MYO16: variants seen among roughly 807,000 people sequenced by gnomAD.
MYO16 encodes myosin XVI.
Under a neutral mutation model 205.3 loss-of-function variants are expected in MYO16, and 94 were observed. The ratio of observed to expected loss-of-function variants is 0.46; its 90% CI spans 0.39 to 0.54. The LOEUF is 0.54. MYO16 is among the 20% of genes least tolerant of loss of function. The pLI is 0.00. For missense variants in MYO16, 2,315 were observed against 2,387.5 expected (o/e 0.97, Z 0.63); for synonymous variants, 988 against 954.0 (o/e 1.04, Z -0.66).
intron 27 of MYO16, among the ~76,000 whole-genome samples, chr13:109,059,573 A>G (rs930510000): frequency 2.0e-5 from 3 of 152,166 alleles, no homozygotes; most frequent in Middle Eastern, 3.4e-3. Flanking sequence ...TTTGAGAAGT[A>G]TCTGTTCATA....
At chr13:108,815,518 G>A (rs1236141150) in intron 7 of MYO16, among the ~76,000 whole-genome samples, 1 of 152,126 alleles carries the variant, frequency 6.6e-6, no homozygotes, top group East Asian at 1.9e-4. Flanking sequence ...CATTAACCAA[G>A]GAATGTGGGT....
intron 12 of MYO16, among the ~76,000 whole-genome samples, chr13:108,878,218 T>G (rs541878942): frequency 8.3e-4 from 127 of 152,206 alleles, no homozygotes; most frequent in African/African-American, 2.9e-3. Context: ...GGAACAGATA[T>G]TCCTGTTTTC....
At chr13:109,021,488 C>T (rs895921544) in intron 23 of MYO16, among the ~76,000 whole-genome samples, 2 of 152,182 alleles carry the variant, frequency 1.3e-5, no homozygotes, top group Admixed American at 6.5e-5. Flanking sequence ...GAAGCAGCAG[C>T]AGTGTGGTTT....
At chr13:108,925,064 A>AG (rs1881929037) in intron 16 of MYO16, among the ~76,000 whole-genome samples, 1 of 152,216 alleles carries the variant, frequency 6.6e-6, no homozygotes, top group South Asian at 2.1e-4. Context: ...TTAAGTACAC[A>AG]GAGTCATTTT....
chr13:108,570,707 A>G, the MYO16 span, among the ~76,000 whole-genome samples: 1 of 152,224 alleles, frequency 6.6e-6, no homozygotes, highest in East Asian at 1.9e-4. Context: ...TATTTCTAAG[A>G]TAGTAATTCA....
the MYO16 span, among the ~76,000 whole-genome samples, chr13:108,522,909 G>T: frequency 1.3e-5 from 2 of 151,998 alleles, no homozygotes; most frequent in African/African-American, 2.4e-5. Flanking sequence ...TTCCAAATAG[G>T]GTCATATTCT....
intron 2 of MYO16, among the ~76,000 whole-genome samples, chr13:108,688,526 A>G (rs979153770): frequency 3.9e-5 from 6 of 152,160 alleles, no homozygotes; most frequent in African/African-American, 1.4e-4. Context: ...AAATGATTAC[A>G]TGCTTGCACT....
chr13:108,932,449 G>A (rs940444730), intron 16 of MYO16, among the ~76,000 whole-genome samples: 1 of 152,218 alleles, frequency 6.6e-6, no homozygotes, highest in African/African-American at 2.4e-5. Context: ...TAGCTCTCTA[G>A]AGATTGCTTT....
intron 25 of MYO16, among the ~76,000 whole-genome samples, chr13:109,052,868 G>T (rs1484229439): frequency 6.6e-6 from 1 of 152,068 alleles, no homozygotes; most frequent in Admixed American, 6.6e-5. Flanking sequence ...ATGATAAATT[G>T]TTGTTTCTCT....
At chr13:108,510,555 G>C in the MYO16 span, among the ~76,000 whole-genome samples, 3 of 82,798 alleles carry the variant, frequency 3.6e-5, no homozygotes, top group African/African-American at 1.0e-4. Context: ...CATGTGCCAT[G>C]CTGGTGCACT....
chr13:108,911,417 C>T (rs1314291300), intron 16 of MYO16, among the ~76,000 whole-genome samples: 6 of 152,082 alleles, frequency 3.9e-5, no homozygotes, highest in African/African-American at 1.4e-4. Flanking sequence ...CAGGTAGTAC[C>T]TGTGGTAGAG....
chr13:109,123,380 A>T (rs551492902), intron 29 of MYO16, among the ~76,000 whole-genome samples: 1 of 152,314 alleles, frequency 6.6e-6, no homozygotes, highest in African/African-American at 2.4e-5. Flanking sequence ...TCTTCTCTTT[A>T]TTCCAAGAGA....
chr13:108,623,109 G>A (rs757773728), intron 1 of MYO16, among the ~76,000 whole-genome samples: 1 of 152,108 alleles, frequency 6.6e-6, no homozygotes. Flanking sequence ...CTACACACAC[G>A]ACGTCCAGCT....
chr13:108,694,514 G>A (rs1303762573), intron 2 of MYO16, among the ~76,000 whole-genome samples: 4 of 151,872 alleles, frequency 2.6e-5, no homozygotes, highest in Middle Eastern at 3.4e-3. Flanking sequence ...CTTGTTGGTC[G>A]TTTTTATCTC....
intron 2 of MYO16, among the ~76,000 whole-genome samples, chr13:108,691,565 G>T (rs1180084783): frequency 6.6e-6 from 1 of 152,068 alleles, no homozygotes; most frequent in African/African-American, 2.4e-5. Flanking sequence ...TAGAGACAGG[G>T]TCTCACCGTC....
chr13:108,872,182 A>G (rs1879103635), intron 12 of MYO16, among the ~76,000 whole-genome samples: 1 of 152,236 alleles, frequency 6.6e-6, no homozygotes, highest in Non-Finnish European at 1.5e-5. Flanking sequence ...GTTTATGGTA[A>G]CAGTTGATTG....
chr13:108,734,476 C>T (rs1178499078), intron 4 of MYO16, among the ~76,000 whole-genome samples: 1 of 152,152 alleles, frequency 6.6e-6, no homozygotes. Context: ...TCTCTAGGAA[C>T]TCTTCATGCC....
chr13:108,660,387 C>A (rs1233821443), intron 1 of MYO16, among the ~76,000 whole-genome samples: 1 of 152,136 alleles, frequency 6.6e-6, no homozygotes, highest in Non-Finnish European at 1.5e-5. Context: ...TGGAGTCCCC[C>A]ACTATCATTG....
intron 1 of MYO16, among the ~76,000 whole-genome samples, chr13:108,611,326 T>C (rs968968893): frequency 6.6e-6 from 1 of 152,134 alleles, no homozygotes; most frequent in Non-Finnish European, 1.5e-5. Context: ...ATCAAATTAA[T>C]CATTTTAAAA....
Sources: gnomAD v4.1 joint callset for allele counts (sites outside exome capture counted in the v4.1 genomes callset) on GRCh38, gnomAD v4.1.1 for gene constraint, MANE v1.5 for transcripts, NCBI Gene and HGNC (gene_info 2026-07-23, HGNC 2026-07-21) for gene names.